COX7B2: variants seen among roughly 807,000 people sequenced by gnomAD.
COX7B2 encodes the protein cytochrome c oxidase subunit 7B2.
For synonymous variants in COX7B2, 37 were observed against 32.1 expected (o/e 1.15, Z -0.51); for missense variants, 109 against 95.9 (o/e 1.14, Z -0.57).
intron 2 of COX7B2, among the ~76,000 whole-genome samples, chr4:46,751,214 G>A (rs553588519): frequency 7.2e-5 from 11 of 151,814 alleles, no homozygotes; most frequent in African/African-American, 1.7e-4. Context: ...CAAATTGTTC[G>A]TGGGGAGATA....
chr4:46,835,118 T>C (rs1302090078), intron 2 of COX7B2, among the ~76,000 whole-genome samples: 1 of 152,102 alleles, frequency 6.6e-6, no homozygotes, highest in East Asian at 1.9e-4. Context: ...ACTTATGATA[T>C]TGATGGGGAT....
chr4:46,907,193 A>G (rs1720443643), intron 1 of COX7B2, among the ~76,000 whole-genome samples: 1 of 152,160 alleles, frequency 6.6e-6, no homozygotes. Context: ...CAATCCTATG[A>G]CATACAACAT....
intron 2 of COX7B2, among the ~76,000 whole-genome samples, chr4:46,842,049 C>G (rs922294852): frequency 6.6e-6 from 1 of 151,908 alleles, no homozygotes; most frequent in African/African-American, 2.4e-5. Flanking sequence ...ATTAACATTC[C>G]TTTACCCCGA....
At chr4:46,765,373 A>G (rs1297582697) in intron 2 of COX7B2, among the ~76,000 whole-genome samples, 2 of 152,176 alleles carry the variant, frequency 1.3e-5, no homozygotes, top group African/African-American at 4.8e-5. Flanking sequence ...CGCTAGCAGC[A>G]TGTGTACGCC....
chr4:46,854,916 A>C (rs904249870), intron 1 of COX7B2, among the ~76,000 whole-genome samples: 4 of 152,178 alleles, frequency 2.6e-5, no homozygotes, highest in African/African-American at 9.7e-5. Context: ...TCAAAAGCTA[A>C]GAGTGATATC....
At chr4:46,805,090 A>G (rs1175655161) in intron 2 of COX7B2, among the ~76,000 whole-genome samples, 1 of 152,134 alleles carries the variant, frequency 6.6e-6, no homozygotes, top group Non-Finnish European at 1.5e-5. Context: ...CTCCGAGTGC[A>G]GGACCCGCCA....
At chr4:46,880,119 C>T (rs1718617336) in intron 1 of COX7B2, among the ~76,000 whole-genome samples, 1 of 152,080 alleles carries the variant, frequency 6.6e-6, no homozygotes, top group Non-Finnish European at 1.5e-5. Context: ...TGTTTTGAGG[C>T]AGGTTCCTTC....
intron 2 of COX7B2, among the ~76,000 whole-genome samples, chr4:46,737,543 G>C (rs766902979): frequency 2.0e-5 from 3 of 151,960 alleles, no homozygotes; most frequent in Non-Finnish European, 4.4e-5. Flanking sequence ...AGTGAATATT[G>C]GTATCCTCAT....
chr4:46,879,327 T>C (rs967488579), intron 1 of COX7B2, among the ~76,000 whole-genome samples: 1 of 152,102 alleles, frequency 6.6e-6, no homozygotes, highest in Non-Finnish European at 1.5e-5. Context: ...CTAATTTTTT[T>C]TTCTTTTTGA....
intron 2 of COX7B2, among the ~76,000 whole-genome samples, chr4:46,777,216 A>T (rs372495080): frequency 2.4e-4 from 37 of 152,188 alleles, no homozygotes; most frequent in African/African-American, 8.7e-4. Context: ...GACCAAAAAA[A>T]TTCCATGAGA....
intron 1 of COX7B2, among the ~76,000 whole-genome samples, chr4:46,847,541 G>C (rs1215253953): frequency 2.6e-5 from 4 of 152,022 alleles, no homozygotes; most frequent in Non-Finnish European, 5.9e-5. Flanking sequence ...GGTAAGCTGT[G>C]AGCAGACTTC....
chr4:46,782,160 T>C (rs770242637), intron 2 of COX7B2, among the ~76,000 whole-genome samples: 4 of 152,156 alleles, frequency 2.6e-5, no homozygotes, highest in Non-Finnish European at 5.9e-5. Context: ...TATGTCTAGC[T>C]GGAGGATTGT....
At chr4:46,805,842 T>G (rs1718970540) in intron 2 of COX7B2, among the ~76,000 whole-genome samples, 1 of 152,210 alleles carries the variant, frequency 6.6e-6, no homozygotes, top group South Asian at 2.1e-4. Flanking sequence ...CATAGACATC[T>G]CTATGTAACC....
At chr4:46,762,050 G>A (rs1716180496) in intron 2 of COX7B2, among the ~76,000 whole-genome samples, 3 of 149,916 alleles carry the variant, frequency 2.0e-5, no homozygotes, top group African/African-American at 4.9e-5. Context: ...CCTTGAGCAG[G>A]GTGCAAACTT....
intron 1 of COX7B2, among the ~76,000 whole-genome samples, chr4:46,874,337 A>C (rs1199479448): frequency 6.6e-6 from 1 of 152,230 alleles, no homozygotes; most frequent in African/African-American, 2.4e-5. Context: ...GCAAAGCTGA[A>C]GTGTTTTTAG....
At chr4:46,772,379 A>G (rs1716924690) in intron 2 of COX7B2, among the ~76,000 whole-genome samples, 1 of 152,156 alleles carries the variant, frequency 6.6e-6, no homozygotes, top group African/African-American at 2.4e-5. Context: ...CAGCATGGGC[A>G]ATATAGTTAA....
chr4:46,820,800 A>G (rs1714220333), intron 2 of COX7B2, among the ~76,000 whole-genome samples: 1 of 149,958 alleles, frequency 6.7e-6, no homozygotes, highest in South Asian at 2.1e-4. Context: ...GAGCCTGGAC[A>G]AAAAAAGCAA....
chr4:46,858,363 G>A (rs1009482795), intron 1 of COX7B2, among the ~76,000 whole-genome samples: 1 of 152,044 alleles, frequency 6.6e-6, no homozygotes, highest in Non-Finnish European at 1.5e-5. Context: ...CCCACACTAT[G>A]GGATTACAGG....
At chr4:46,834,696 T>C (rs1553891042) in intron 2 of COX7B2, among the ~76,000 whole-genome samples, 1 of 152,128 alleles carries the variant, frequency 6.6e-6, no homozygotes, top group Non-Finnish European at 1.5e-5. Context: ...ACATTATCAA[T>C]AAATCAAATA....
Sources: allele counts gnomAD v4.1 joint callset (sites outside exome capture counted in the v4.1 genomes callset), GRCh38; gene constraint gnomAD v4.1.1; transcripts MANE v1.5; gene names NCBI Gene and HGNC (gene_info 2026-07-23, HGNC 2026-07-21).